The following MYBL2 variants were observed in gnomAD, a reference collection of about 807,000 sequenced individuals.
The protein encoded by MYBL2 is MYB proto-oncogene like 2, also known as myb-related protein B.
Under a neutral mutation model 79.9 loss-of-function variants are expected in MYBL2, and 28 were observed. The ratio of observed to expected loss-of-function variants is 0.35; its 90% CI spans 0.26 to 0.48. The LOEUF is 0.48. Among genes scored for constraint, MYBL2 ranks in the 20% least tolerant of loss-of-function variants. The probability of loss-of-function intolerance (pLI) is 0.99; values close to 1 mark genes in which losing one functional copy is unlikely to be tolerated. For missense variants in MYBL2, 735 were observed against 893.9 expected (o/e 0.82, Z 2.27); for synonymous variants, 378 against 361.2 (o/e 1.05, Z -0.53).
intron 4 of MYBL2, among the ~76,000 whole-genome samples, chr20:43,684,980 C>T (rs77787243): frequency 0.03 from 4,588 of 151,440 alleles, 95 homozygotes; most frequent in Middle Eastern, 0.099. Flanking sequence ...AACCCCGTCT[C>T]TACTAAAAAT....
intron 2 of MYBL2, among the ~76,000 whole-genome samples, chr20:43,678,092 C>CGCTTGAAGGCAGCAT (rs1555810233): frequency 6.7e-6 from 1 of 149,994 alleles, no homozygotes; most frequent in Non-Finnish European, 1.5e-5. Context: ...GTTAAACAGA[C>CGCTTGAAGGCAGCAT]GCTTGAAGGC....
chr20:43,695,764 T>A (rs1314400337), intron 6 of MYBL2, among the ~76,000 whole-genome samples: 1 of 152,126 alleles, frequency 6.6e-6, no homozygotes, highest in African/African-American at 2.4e-5. Flanking sequence ...GAAGTTCACT[T>A]GAGCCCAGTA....
Position 43,698,872 on chromosome 20 carries a change from G to A in MYBL2, c.664-885G>A, listed in dbSNP as rs1408969047. ...CTTTTTTTTTTATTAGAGTCTTGTT[G>A]TGTTGCCCAGGCTGGAGTGCAGTGG... On this transcript the variant is annotated intron_variant, in intron 6 of 13. Coordinates refer to ENST00000217026, the MANE Select transcript of MYBL2 (RefSeq NM_002466.4). Among the ~76,000 whole-genome samples the A allele has an allele frequency of 1.6e-3, 160 of 100,432 alleles. 1 individual carries two copies. Among genetic ancestry groups the A allele is most frequent in the African/African-American group, 6.4e-3 (158 of 24,644 alleles). 65.9% of individuals were successfully genotyped at this position (100,432 alleles called of 152,430 possible). A position where few individuals can be genotyped will look rare whatever the true frequency, so the allele number is the denominator to read the frequency against.
chr20:43,698,146 C>G (rs1297199899), intron 6 of MYBL2, among the ~76,000 whole-genome samples: 2 of 142,762 alleles, frequency 1.4e-5, no homozygotes, highest in Admixed American at 7.2e-5. Context: ...CATGTAGTAA[C>G]TATTTTTTCC....
intron 1 of MYBL2, among the ~76,000 whole-genome samples, chr20:43,667,609 C>T (rs1350340464): frequency 6.6e-6 from 1 of 152,108 alleles, no homozygotes; most frequent in African/African-American, 2.4e-5. Flanking sequence ...CGCCTAATTG[C>T]GGGATGGGGG....
At chr20:43,700,615 G>A (rs1479653976) in intron 7 of MYBL2, among the ~76,000 whole-genome samples, 1 of 151,204 alleles carries the variant, frequency 6.6e-6, no homozygotes, top group East Asian at 2.0e-4. Flanking sequence ...AGCGGGTTTT[G>A]GGAGGTGAAA....
chr20:43,677,294 C>T (rs191635226), intron 2 of MYBL2, among the ~76,000 whole-genome samples: 3 of 152,212 alleles, frequency 2.0e-5, no homozygotes, highest in African/African-American at 7.2e-5. Flanking sequence ...TCCGCGGCAC[C>T]GGTAGGATCA....
Position 43,709,945 on chromosome 20 carries a change from C to G in MYBL2, c.1506-18C>G, listed in dbSNP as rs375553212. 1 of 1,583,164 alleles carries G rather than the reference C, an allele frequency of 6.3e-7. No homozygotes were observed. Among genetic ancestry groups the G allele is most frequent in the Non-Finnish European group, 8.6e-7 (1 of 1,160,010 alleles). ...GCCCCTATCCTGTCACTAGTTCCCCCGTTCTGGCCCCTGGCAGGTTTGTAA... is the reference window on the plus strand; with the variant it reads ...GCCCCTATCCTGTCACTAGTTCCCCGGTTCTGGCCCCTGGCAGGTTTGTAA... On this transcript the variant is annotated intron_variant, in intron 9 of 13. Transcript: ENST00000217026.
rs1349221703 is a variant in MYBL2 at position 43,667,246 on chromosome 20, G to A, written c.-38G>A. ...CCCGGCTCCCGCTCCGGGCTCTGCC[G>A]GCGGGCGGGCGAGCGCGGCGCGGTC... On this transcript the variant is annotated 5_prime_UTR_variant, in exon 1 of 14. Coordinates refer to ENST00000217026, the MANE Select transcript of MYBL2 (RefSeq NM_002466.4). 2 of 1,211,640 alleles carry A rather than the reference G, an allele frequency of 1.7e-6. No homozygotes were observed. The highest frequency in any genetic ancestry group is 1.0e-6 in the Non-Finnish European group (1 of 974,612). The allele number at this position is 1,211,640 out of a possible 1,614,324, so 75.1% of individuals were successfully genotyped here.
At chr20:43,714,064 A>G (rs2145737410) in intron 12 of MYBL2, among the ~76,000 whole-genome samples, 1 of 152,306 alleles carries the variant, frequency 6.6e-6, no homozygotes, top group East Asian at 1.9e-4. Context: ...AGGTTACTGC[A>G]AAGAAAAAAA....
At chr20:43,671,462 C>T (rs1235359275) in intron 1 of MYBL2, among the ~76,000 whole-genome samples, 2 of 128,592 alleles carry the variant, frequency 1.6e-5, no homozygotes, top group African/African-American at 6.7e-5. Context: ...GGCTGATTTC[C>T]ATTTTTTTTT....
chr20:43,710,169 C>A, intron 10 of MYBL2, 107 bp downstream of exon 10: 3 of 878,894 alleles, frequency 3.4e-6, no homozygotes, highest in Non-Finnish European at 5.0e-6. Context: ...TCATTTGATT[C>A]TTTCTCCTGA....
chr20:43,678,786 G>A (rs1467512278), intron 2 of MYBL2, among the ~76,000 whole-genome samples: 1 of 148,302 alleles, frequency 6.7e-6, no homozygotes, highest in Admixed American at 6.9e-5. Context: ...TGAACCCAGA[G>A]GCGGAAGTTG....
At chr20:43,692,782 A>G (rs1987443929) in intron 6 of MYBL2, among the ~76,000 whole-genome samples, 1 of 152,046 alleles carries the variant, frequency 6.6e-6, no homozygotes, top group Admixed American at 6.6e-5. Context: ...TTTTTAATTA[A>G]AAAAAATTAA....
intron 2 of MYBL2, among the ~76,000 whole-genome samples, chr20:43,675,753 T>C (rs1194606588): frequency 9.0e-6 from 1 of 110,582 alleles, no homozygotes; most frequent in Non-Finnish European, 1.9e-5. Flanking sequence ...TTTTTCTTTT[T>C]GGGGGCTTTG....
At chr20:43,713,338 A>G (rs79219455) in intron 12 of MYBL2, among the ~76,000 whole-genome samples, 140 of 150,968 alleles carry the variant, frequency 9.3e-4, no homozygotes, top group East Asian at 8.4e-3. Context: ...AAAAACATGC[A>G]TCTGGGTCTC....
rs752809652 is a variant in MYBL2, at chr20:43,684,534, CT to C, written c.279+1665del. On this transcript the variant is annotated intron_variant, in intron 4 of 13. Transcript: ENST00000217026. ...ACAAGCGTGAGCCACTGTGCCCGGCCTTTTTTTTTTTTTTTTTAATTTGTAG... is the reference window on the plus strand; with the variant it reads ...ACAAGCGTGAGCCACTGTGCCCGGCCTTTTTTTTTTTTTTTTAATTTGTAG... Among the ~76,000 whole-genome samples the C allele has an allele frequency of 9.8e-3, 1,328 of 136,084 alleles. 5 individuals carry two copies. Among genetic ancestry groups the C allele is most frequent in the Middle Eastern group, 0.012 (3 of 248 alleles). 89.3% of individuals were successfully genotyped at this position (136,084 alleles called of 152,430 possible). A position where few individuals can be genotyped will look rare whatever the true frequency, so the allele number is the denominator to read the frequency against.
chr20:43,679,522 A>G (rs1987096130), intron 2 of MYBL2, among the ~76,000 whole-genome samples: 1 of 152,150 alleles, frequency 6.6e-6, no homozygotes, highest in Non-Finnish European at 1.5e-5. Context: ...TAAACCGAGT[A>G]CTGTGGGAGG....
chr20:43,701,016 G>C (rs2145727890), intron 7 of MYBL2, among the ~76,000 whole-genome samples: 1 of 152,190 alleles, frequency 6.6e-6, no homozygotes, highest in East Asian at 1.9e-4. Context: ...TAATGTGTAG[G>C]CTCTTAGTTG....
Sources: gnomAD v4.1 joint callset for allele counts (sites outside exome capture counted in the v4.1 genomes callset) on GRCh38, gnomAD v4.1.1 for gene constraint, MANE v1.5 for transcripts, NCBI Gene and HGNC (gene_info 2026-07-23, HGNC 2026-07-21) for gene names.